The following ITGA9 variants were observed in gnomAD, a reference collection of about 807,000 sequenced individuals.
ITGA9 encodes the protein integrin subunit alpha 9.
ITGA9 carries 56 observed loss-of-function variants against 127.8 expected under a neutral mutation model. The ratio of observed to expected loss-of-function variants is 0.44; its 90% CI spans 0.35 to 0.55. The LOEUF (loss-of-function observed/expected upper bound fraction) is 0.55, where lower values mean the gene tolerates loss of function less well. ITGA9 is among the 20% of genes least tolerant of loss of function. ITGA9 has a pLI of 0.00. For synonymous variants in ITGA9, 508 were observed against 514.5 expected, an observed-to-expected ratio of 0.99 and a Z score of 0.17; for missense variants, 1,196 against 1,347.1, an observed-to-expected ratio of 0.89 and a Z score of 1.76.
At chr3:37,532,723 G>A (rs529355304) in intron 13 of ITGA9, among the ~76,000 whole-genome samples, 93 of 152,324 alleles carry the variant, frequency 6.1e-4, no homozygotes, top group Middle Eastern at 6.8e-3. Context: ...ATAAGACTGG[G>A]CAGGTTGATT....
At chr3:37,818,691 C>T (rs1031972170) in intron 27 of ITGA9, 200 bp from the exon 28 acceptor site, 12 of 619,300 alleles carry the variant, frequency 1.9e-5, no homozygotes, top group Middle Eastern at 4.3e-4. Flanking sequence ...TAATATCACC[C>T]GCAGGAAGTC....
At chr3:37,742,580 A>G (rs915945660) in intron 21 of ITGA9, among the ~76,000 whole-genome samples, 5 of 152,198 alleles carry the variant, frequency 3.3e-5, no homozygotes, top group African/African-American at 7.2e-5. Context: ...TGGAAAAAAG[A>G]TTTACACAAT....
At chr3:37,718,163 G>A (rs1170844637) in intron 18 of ITGA9, among the ~76,000 whole-genome samples, 1 of 152,230 alleles carries the variant, frequency 6.6e-6, no homozygotes, top group East Asian at 1.9e-4. Flanking sequence ...TTAAATGAGA[G>A]CATGAACAAA....
At chr3:37,734,500 GT>G (rs1484785678) in intron 19 of ITGA9, among the ~76,000 whole-genome samples, 1 of 152,070 alleles carries the variant, frequency 6.6e-6, no homozygotes, top group Non-Finnish European at 1.5e-5. Context: ...TCAAATTTTT[GT>G]TTGTTTGAGA....
chr3:37,471,177 C>A, intron 2 of ITGA9, 43 bp downstream of exon 2: 1 of 1,609,512 alleles, frequency 6.2e-7, no homozygotes, highest in Non-Finnish European at 8.5e-7. Flanking sequence ...GTTCTGTACC[C>A]TTATACCTTG....
chr3:37,798,078 T>C (rs79943113), intron 26 of ITGA9, among the ~76,000 whole-genome samples: 426 of 152,280 alleles, frequency 2.8e-3, no homozygotes, highest in Admixed American at 4.3e-3. Context: ...TCAGCCTCGA[T>C]ATCCCATGCT....
chr3:37,760,376 A>C (rs1174981265), intron 23 of ITGA9, among the ~76,000 whole-genome samples: 1 of 152,222 alleles, frequency 6.6e-6, no homozygotes, highest in Non-Finnish European at 1.5e-5. Flanking sequence ...GGATTACAGT[A>C]CAGATTTTCC....
intron 16 of ITGA9, among the ~76,000 whole-genome samples, chr3:37,640,369 G>A (rs1248375026): frequency 1.3e-5 from 2 of 152,126 alleles, no homozygotes; most frequent in Non-Finnish European, 2.9e-5. Context: ...GTGATGTGAC[G>A]AGAATGTGGA....
Position 37,471,163 on chromosome 3 carries a change from A to G in ITGA9, c.313+29A>G, listed in dbSNP as rs575999747. On this transcript the variant is annotated intron_variant, in intron 2 of 27. Transcript: ENST00000264741. Reference sequence around the variant, plus strand: ...GGTGACCATTACTGCTGTGGTGGAAATGGGTTCTGTACCCTTATACCTTGC... The same window carrying G: ...GGTGACCATTACTGCTGTGGTGGAAGTGGGTTCTGTACCCTTATACCTTGC... 5.6e-6 allele frequency: 9 copies of G among 1,612,934 alleles called. No homozygotes were observed. In the African/African-American group the frequency reaches 8.0e-5, roughly 14 times the overall value.
chr3:37,685,318 C>A (rs184805633), intron 18 of ITGA9, among the ~76,000 whole-genome samples: 169 of 152,312 alleles, frequency 1.1e-3, no homozygotes, highest in African/African-American at 3.8e-3. Flanking sequence ...TCCAAGAAGT[C>A]ATCTCAGATT....
At chr3:37,612,936 A>C (rs1015047049) in intron 15 of ITGA9, among the ~76,000 whole-genome samples, 2 of 150,148 alleles carry the variant, frequency 1.3e-5, no homozygotes, top group African/African-American at 4.9e-5. Flanking sequence ...CTTAAGACTT[A>C]TTTGTGGAGA....
chr3:37,684,098 G>A, intron 18 of ITGA9, 83 bp downstream of exon 18: 3 of 1,126,364 alleles, frequency 2.7e-6, no homozygotes, highest in Non-Finnish European at 4.1e-6. Flanking sequence ...AATAGGCAAT[G>A]ATTCTACAAG....
chr3:37,748,268 C>A, intron 22 of ITGA9: 1 of 504,468 alleles, frequency 2.0e-6, no homozygotes, highest in Non-Finnish European at 3.8e-6. Flanking sequence ...AAAGGAAGGC[C>A]CCGCAAGTAT....
intron 15 of ITGA9, among the ~76,000 whole-genome samples, chr3:37,579,819 G>A (rs1371307047): frequency 6.6e-6 from 1 of 152,088 alleles, no homozygotes; most frequent in African/African-American, 2.4e-5. Flanking sequence ...CCCACATGTT[G>A]GAGTTATAGC....
intron 23 of ITGA9, among the ~76,000 whole-genome samples, chr3:37,760,674 CA>C (rs1696713444): frequency 6.6e-6 from 1 of 151,714 alleles, no homozygotes; most frequent in African/African-American, 2.4e-5. Flanking sequence ...AACAAACAAA[CA>C]AAAAACAGGT....
At chr3:37,646,321 T>G (rs1406968145) in intron 16 of ITGA9, among the ~76,000 whole-genome samples, 1 of 152,228 alleles carries the variant, frequency 6.6e-6, no homozygotes, top group Non-Finnish European at 1.5e-5. Context: ...GTCTCACCCT[T>G]TTCAGAAAAA....
intron 15 of ITGA9, among the ~76,000 whole-genome samples, chr3:37,616,415 G>A (rs1342319037): frequency 6.6e-6 from 1 of 152,216 alleles, no homozygotes; most frequent in African/African-American, 2.4e-5. Context: ...CAGGTGTGGT[G>A]TGGTGCTGAA....
At position 37,806,866 on chromosome 3, in the gene ITGA9, C is replaced by T. The variant is rs1302939908; in HGVS notation, c.3009+2924C>T. ...CAGTATCTCATTTCGGCTCACATTT[C>T]TCGAACGCTTACTTTGCCCCAGTCC... On this transcript the variant is annotated intron_variant, in intron 27 of 27. Transcript: ENST00000264741. The surrounding 1 kb of genome is among the most constrained non-coding windows in gnomAD (Gnocchi z 4.3). 3 of 152,258 alleles carry T rather than the reference C, an allele frequency of 2.0e-5. No individual in the cohort carries two copies. Among genetic ancestry groups the T allele is most frequent in the Non-Finnish European group, 4.4e-5 (3 of 68,068 alleles). The allele number at this position is 152,258 out of a possible 1,614,324, so 9.4% of individuals were successfully genotyped here. A position where few individuals can be genotyped will look rare whatever the true frequency, so the allele number is the denominator to read the frequency against.
intron 17 of ITGA9, among the ~76,000 whole-genome samples, chr3:37,677,509 T>G (rs1017701362): frequency 2.0e-5 from 3 of 152,250 alleles, no homozygotes; most frequent in Non-Finnish European, 4.4e-5. Flanking sequence ...CTAAATATTC[T>G]CCCAGTATTC....
Sources: gnomAD v4.1 joint callset for allele counts (sites outside exome capture counted in the v4.1 genomes callset) on GRCh38, gnomAD v4.1.1 for gene constraint, Gnocchi (gnomAD v3.1) non-coding constraint, MANE v1.5 for transcripts, NCBI Gene and HGNC (gene_info 2026-07-23, HGNC 2026-07-21) for gene names.